The following GRIK2 variants were observed in gnomAD, a reference collection of about 807,000 sequenced individuals.
The protein encoded by GRIK2 is glutamate ionotropic receptor kainate type subunit 2.
In GRIK2, 32 loss-of-function variants were observed where a neutral mutation model predicts 100.3. The ratio of observed to expected loss-of-function variants is 0.32; its 90% CI spans 0.24 to 0.43. GRIK2 has a LOEUF of 0.43. GRIK2 is among the 20% of genes least tolerant of loss of function. The probability of loss-of-function intolerance (pLI) is 1.00; values close to 1 mark genes in which losing one functional copy is unlikely to be tolerated. For synonymous variants in GRIK2, 417 were observed against 389.4 expected (o/e 1.07, Z -0.83); for missense variants, 843 against 1,114.9 (o/e 0.76, Z 3.47).
At chr6:101,693,890 T>G (rs563666051) in intron 7 of GRIK2, among the ~76,000 whole-genome samples, 6 of 152,046 alleles carry the variant, frequency 3.9e-5, no homozygotes, top group African/African-American at 7.2e-5. Flanking sequence ...GGGTGGCATA[T>G]CCTGAACTCC....
chr6:101,993,561 A>C (rs1198797786), intron 14 of GRIK2: 1 of 150,892 alleles, frequency 6.6e-6, no homozygotes, highest in African/African-American at 2.4e-5. Context: ...AGCAACCATA[A>C]ATTTGAACAT....
At chr6:101,776,667 A>G (rs9498697) in intron 7 of GRIK2, among the ~76,000 whole-genome samples, 29,802 of 152,072 alleles carry the variant, frequency 0.2, 4,888 homozygotes, top group East Asian at 0.66. Flanking sequence ...ACATTATAAT[A>G]TTTTACCACT....
intron 7 of GRIK2, among the ~76,000 whole-genome samples, chr6:101,697,663 G>A (rs900788350): frequency 6.6e-6 from 1 of 151,942 alleles, no homozygotes; most frequent in Non-Finnish European, 1.5e-5. Flanking sequence ...TGTAGTAGAA[G>A]ACTATTAAAT....
At chr6:101,729,116 A>G (rs1775077298) in intron 7 of GRIK2, among the ~76,000 whole-genome samples, 1 of 151,994 alleles carries the variant, frequency 6.6e-6, no homozygotes, top group East Asian at 1.9e-4. Flanking sequence ...ATGCACTGTA[A>G]TTCTGGCAGC....
chr6:101,542,728 G>A (rs574278172), intron 2 of GRIK2, among the ~76,000 whole-genome samples: 21 of 152,158 alleles, frequency 1.4e-4, no homozygotes, highest in East Asian at 1.4e-3. Context: ...ATATAACTAT[G>A]AGCGTGTAAG....
At chr6:101,998,489 A>AGG (rs1347976046) in intron 14 of GRIK2, among the ~76,000 whole-genome samples, 3 of 152,014 alleles carry the variant, frequency 2.0e-5, no homozygotes, top group Non-Finnish European at 2.9e-5. Flanking sequence ...TGATTTATGT[A>AGG]GGGTTTTTTT....
intron 2 of GRIK2, chr6:101,430,651 G>C (rs57517301): frequency 0.018 from 3,064 of 167,968 alleles, 112 homozygotes; most frequent in African/African-American, 0.07. Flanking sequence ...TCATGACAGA[G>C]TTGAAGGTGG....
At chr6:101,601,597 T>C (rs1177787487) in intron 2 of GRIK2, among the ~76,000 whole-genome samples, 1 of 151,906 alleles carries the variant, frequency 6.6e-6, no homozygotes, top group Admixed American at 6.6e-5. Flanking sequence ...TTGTTACTGA[T>C]TCAATTTCAG....
At chr6:101,835,525 T>C (rs921557233) in intron 10 of GRIK2, among the ~76,000 whole-genome samples, 1 of 145,616 alleles carries the variant, frequency 6.9e-6, no homozygotes, top group Non-Finnish European at 1.5e-5. Flanking sequence ...GGCAGGATTG[T>C]AGTGGCATGA....
intron 2 of GRIK2, among the ~76,000 whole-genome samples, chr6:101,426,657 T>A (rs116073419): frequency 6.6e-6 from 1 of 152,172 alleles, no homozygotes; most frequent in Non-Finnish European, 1.5e-5. Flanking sequence ...CTACAGGCAC[T>A]CAAATGGTGT....
At chr6:101,684,295 G>A (rs1262739163) in intron 6 of GRIK2, among the ~76,000 whole-genome samples, 1 of 152,126 alleles carries the variant, frequency 6.6e-6, no homozygotes, top group African/African-American at 2.4e-5. Context: ...TCTCAATAGG[G>A]AAAATAAATG....
At chr6:101,669,572 G>A (rs577043359) in intron 4 of GRIK2, among the ~76,000 whole-genome samples, 35 of 152,174 alleles carry the variant, frequency 2.3e-4, no homozygotes, top group South Asian at 2.3e-3. Flanking sequence ...AGAACATGAT[G>A]AGTTGCAAAG....
chr6:101,933,379 T>C (rs947427057), intron 14 of GRIK2, among the ~76,000 whole-genome samples: 2 of 151,950 alleles, frequency 1.3e-5, no homozygotes, highest in African/African-American at 4.8e-5. Context: ...CTCGTCTATC[T>C]CTTTCTTGTC....
At chr6:101,851,776 T>TA (rs35853158) in intron 10 of GRIK2, among the ~76,000 whole-genome samples, 21 of 147,272 alleles carry the variant, frequency 1.4e-4, no homozygotes, top group South Asian at 8.6e-4. Context: ...CCCAGTTAAC[T>TA]AAAAAAAAAA....
intron 11 of GRIK2, among the ~76,000 whole-genome samples, chr6:101,879,559 C>T (rs1422482685): frequency 6.6e-6 from 1 of 151,918 alleles, no homozygotes; most frequent in Non-Finnish European, 1.5e-5. Context: ...CTCTCAGCCA[C>T]CTAGTCCTAA....
intron 2 of GRIK2, among the ~76,000 whole-genome samples, chr6:101,486,223 A>T (rs748297389): frequency 7.9e-5 from 12 of 152,038 alleles, no homozygotes; most frequent in Non-Finnish European, 1.5e-4. Context: ...GGGAGAAGTG[A>T]TATCTCCAAG....
At chr6:101,399,415 G>T (rs1217063612) in intron 2 of GRIK2, 23 bp downstream of exon 2, 20 of 1,198,722 alleles carry the variant, frequency 1.7e-5, no homozygotes, top group Non-Finnish European at 2.5e-5. Flanking sequence ...ATCTCTCTTG[G>T]TTGCCTGGTA....
At chr6:101,537,894 T>A (rs1775792538) in intron 2 of GRIK2, among the ~76,000 whole-genome samples, 1 of 151,696 alleles carries the variant, frequency 6.6e-6, no homozygotes, top group African/African-American at 2.4e-5. Context: ...CATACTAAAA[T>A]TTTCCTAAAA....
At chr6:101,816,362 A>G (rs1296572387) in intron 9 of GRIK2, among the ~76,000 whole-genome samples, 1 of 151,992 alleles carries the variant, frequency 6.6e-6, no homozygotes, top group Non-Finnish European at 1.5e-5. Context: ...TTGTTTAGCC[A>G]AGAGTATTTG....
Sources: gnomAD v4.1 joint callset for allele counts (sites outside exome capture counted in the v4.1 genomes callset) on GRCh38, gnomAD v4.1.1 for gene constraint, MANE v1.5 for transcripts, NCBI Gene and HGNC (gene_info 2026-07-23, HGNC 2026-07-21) for gene names.